Variants in MYO1E observed in about 807,000 individuals in gnomAD.
MYO1E encodes myosin IE, also known as unconventional myosin-Ie.
MYO1E carries 68 observed loss-of-function variants against 151.1 expected under a neutral mutation model. The ratio of observed to expected loss-of-function variants is 0.45; its 90% CI spans 0.37 to 0.55. The LOEUF (loss-of-function observed/expected upper bound fraction) is 0.55, where lower values mean the gene tolerates loss of function less well. Ranked by LOEUF, MYO1E falls within the 20% of genes least tolerant of loss-of-function variation. MYO1E has a pLI of 0.00. For missense variants in MYO1E, 1,363 were observed against 1,389.3 expected (o/e 0.98, Z 0.30); for synonymous variants, 601 against 501.7 (o/e 1.20, Z -2.64).
intron 1 of MYO1E, among the ~76,000 whole-genome samples, chr15:59,293,272 T>A (rs2080430272): frequency 6.6e-6 from 1 of 152,214 alleles, no homozygotes; most frequent in Non-Finnish European, 1.5e-5. Context: ...AGCACTTTAC[T>A]TATACTAACT....
Position 59,153,685 on chromosome 15 carries a change from C to T in MYO1E, c.2985G>A (p.Pro995=), listed in dbSNP as rs202200849. ...QKSLYTSMAR[P]PLPRQQSTSS... ...TGGTAGACTGCTGCCGAGGCAAGGG[C>T]GGGCGGGCCATGGAGGTGTACAGGC... The change falls in exon 26 of 28, where the codon CCG becomes CCA. Residue 995 remains proline (P), a synonymous_variant. Transcript: ENST00000288235. 2.8e-5 allele frequency: 45 copies of T among 1,614,038 alleles called. No homozygotes were observed. The highest frequency in any genetic ancestry group is 3.6e-5 in the Non-Finnish European group (42 of 1,180,038).
intron 4 of MYO1E, among the ~76,000 whole-genome samples, chr15:59,246,851 G>C (rs1461101961): frequency 6.6e-6 from 1 of 152,136 alleles, no homozygotes; most frequent in African/African-American, 2.4e-5. Flanking sequence ...CAAAGCTAAT[G>C]TGTCAATAAG....
At chr15:59,270,269 T>G (rs1487117850) in intron 2 of MYO1E, among the ~76,000 whole-genome samples, 11 of 152,016 alleles carry the variant, frequency 7.2e-5, no homozygotes, top group Admixed American at 7.2e-4. Context: ...AAACATCACA[T>G]TGCCAGGCGC....
At chr15:59,137,971 T>C (rs1193740653) in intron 27 of MYO1E, among the ~76,000 whole-genome samples, 1 of 152,088 alleles carries the variant, frequency 6.6e-6, no homozygotes, top group East Asian at 1.9e-4. Flanking sequence ...TTTGCTACCA[T>C]GAAGAAAAAC....
chr15:59,217,152 A>G (rs1166211280), intron 10 of MYO1E, among the ~76,000 whole-genome samples: 1 of 152,180 alleles, frequency 6.6e-6, no homozygotes, highest in Non-Finnish European at 1.5e-5. Context: ...CACCAAGCTC[A>G]GCCGATCCCA....
chr15:59,217,816 C>A (rs2079928761), intron 10 of MYO1E, 75 bp downstream of exon 10: 2 of 1,543,198 alleles, frequency 1.3e-6, no homozygotes, highest in East Asian at 2.2e-5. Flanking sequence ...GTGTGAGCCA[C>A]CGCACCCAGC....
At chr15:59,365,662 G>GT (rs2080908860) in intron 1 of MYO1E, among the ~76,000 whole-genome samples, 1 of 152,182 alleles carries the variant, frequency 6.6e-6, no homozygotes, top group Non-Finnish European at 1.5e-5. Context: ...TGTAGCCTAT[G>GT]TTTTACTTTC....
chr15:59,353,121 A>AC (rs1448728120), intron 1 of MYO1E, among the ~76,000 whole-genome samples: 1 of 152,112 alleles, frequency 6.6e-6, no homozygotes, highest in African/African-American at 2.4e-5. Flanking sequence ...GTTGGATCCC[A>AC]CCTGCATTAA....
chr15:59,194,389 T>C (rs1437818785), intron 17 of MYO1E, among the ~76,000 whole-genome samples: 3 of 152,162 alleles, frequency 2.0e-5, no homozygotes, highest in Admixed American at 6.5e-5. Context: ...TATGGATCTG[T>C]TTCCTCCTGT....
At chr15:59,233,526 T>C (rs1340976115) in intron 5 of MYO1E, among the ~76,000 whole-genome samples, 10 of 151,930 alleles carry the variant, frequency 6.6e-5, no homozygotes, top group Admixed American at 2.0e-4. Context: ...TAGCTGGGCA[T>C]AGTGGTGCAC....
intron 27 of MYO1E, among the ~76,000 whole-genome samples, 183 bp downstream of exon 27, chr15:59,138,015 C>A (rs1394736018): frequency 8.5e-5 from 13 of 152,132 alleles, no homozygotes; most frequent in Non-Finnish European, 1.8e-4. Flanking sequence ...AATAAGGGGG[C>A]AGAGCTGAAA....
Position 59,326,505 on chromosome 15 carries a change from G to C in MYO1E, c.3+45993C>G, listed in dbSNP as rs149451237. 7.3e-4 allele frequency among the ~76,000 whole-genome samples: 111 copies of C among 152,310 alleles called. No homozygotes were observed. The East Asian group carries it at 0.018, about 24-fold the overall frequency. ...GCCACTGCACTCCAGCCTGGCGACA[G>C]AGCAAGACTCCATCTCAAAAAAAGG... On this transcript the variant is annotated intron_variant, in intron 1 of 27. Coordinates refer to ENST00000288235, the MANE Select transcript of MYO1E (RefSeq NM_004998.4).
chr15:59,245,888 G>C (rs2080126706), intron 4 of MYO1E, among the ~76,000 whole-genome samples: 1 of 152,182 alleles, frequency 6.6e-6, no homozygotes, highest in African/African-American at 2.4e-5. Context: ...AAGCTTGCCA[G>C]TTCTTCCTTT....
intron 1 of MYO1E, among the ~76,000 whole-genome samples, chr15:59,370,850 T>A (rs546195918): frequency 2.6e-5 from 4 of 152,336 alleles, no homozygotes; most frequent in East Asian, 3.9e-4. Context: ...TTGATTTTTT[T>A]AAGAAATATT....
chr15:59,277,683 T>C (rs1196007765), intron 1 of MYO1E, among the ~76,000 whole-genome samples: 1 of 152,182 alleles, frequency 6.6e-6, no homozygotes, highest in Non-Finnish European at 1.5e-5. Context: ...GCAAAGTTTG[T>C]AATAGGGAAA....
intron 1 of MYO1E, among the ~76,000 whole-genome samples, chr15:59,291,770 G>A (rs1450918231): frequency 2.1e-5 from 3 of 145,904 alleles, no homozygotes; most frequent in Non-Finnish European, 4.5e-5. Context: ...GAGATGCCGA[G>A]GAAGATAAAA....
intron 9 of MYO1E, among the ~76,000 whole-genome samples, chr15:59,219,064 G>A (rs918552465): frequency 6.6e-5 from 10 of 152,180 alleles, no homozygotes; most frequent in Admixed American, 3.3e-4. Flanking sequence ...TCTGAGGGTA[G>A]CATATGGAGT....
intron 16 of MYO1E, among the ~76,000 whole-genome samples, chr15:59,200,582 C>T (rs574385938): frequency 2.6e-5 from 4 of 151,956 alleles, no homozygotes; most frequent in Non-Finnish European, 5.9e-5. Context: ...CCCAGGAGTT[C>T]AAGACCAGCC....
At chr15:59,155,318 A>C (rs1755891261) in intron 25 of MYO1E, among the ~76,000 whole-genome samples, 1 of 152,240 alleles carries the variant, frequency 6.6e-6, no homozygotes, top group East Asian at 1.9e-4. Flanking sequence ...ATTTTGGCTT[A>C]TATTTTATAT....
Sources: gnomAD v4.1 joint callset for allele counts (sites outside exome capture counted in the v4.1 genomes callset) on GRCh38, gnomAD v4.1.1 for gene constraint, MANE v1.5 for transcripts, NCBI Gene and HGNC (gene_info 2026-07-23, HGNC 2026-07-21) for gene names.